CCDC191: variants seen among roughly 807,000 people sequenced by gnomAD.
The protein encoded by CCDC191 is coiled-coil domain-containing protein 191.
Under a neutral mutation model 114.0 loss-of-function variants are expected in CCDC191, and 99 were observed. The ratio of observed to expected loss-of-function variants is 0.87; its 90% confidence interval spans 0.74 to 1.03. The LOEUF (loss-of-function observed/expected upper bound fraction) is 1.03. Among genes scored for constraint, CCDC191 ranks in the 50% least tolerant of loss-of-function variants. The pLI is 0.00. For missense variants in CCDC191, 973 were observed against 1,087.0 expected (o/e 0.90, Z 1.47); for synonymous variants, 351 against 376.0 (o/e 0.93, Z 0.77).
At chr3:113,975,003 T>A (rs1486991897) in intron 16 of CCDC191, among the ~76,000 whole-genome samples, 1 of 152,200 alleles carries the variant, frequency 6.6e-6, no homozygotes, top group African/African-American at 2.4e-5. Flanking sequence ...TAAGTATGAT[T>A]TAAGTCACCA....
intron 9 of CCDC191, among the ~76,000 whole-genome samples, chr3:114,007,658 G>C (rs1031710254): frequency 1.2e-4 from 18 of 152,088 alleles, no homozygotes; most frequent in Admixed American, 1.1e-3. Context: ...TAAAGAACAT[G>C]AAGGAAAAGC....
At chr3:113,991,766 C>T (rs1253116617) in intron 13 of CCDC191, among the ~76,000 whole-genome samples, 2 of 152,074 alleles carry the variant, frequency 1.3e-5, no homozygotes, top group African/African-American at 2.4e-5. Context: ...TAGACTATTC[C>T]AAATAATTTA....
chr3:114,025,853 A>G (rs2076313408), intron 7 of CCDC191, among the ~76,000 whole-genome samples: 2 of 152,202 alleles, frequency 1.3e-5, no homozygotes, highest in Non-Finnish European at 2.9e-5. Context: ...AACTATGCCA[A>G]GAACATAGCT....
At chr3:113,989,997 A>C (rs974730585) in intron 13 of CCDC191, among the ~76,000 whole-genome samples, 1 of 152,198 alleles carries the variant, frequency 6.6e-6, no homozygotes, top group African/African-American at 2.4e-5. Context: ...TAAAGAAAGA[A>C]AGAAAAAGAG....
chr3:114,031,474 G>C (rs2076403118), intron 7 of CCDC191, 152 bp downstream of exon 7: 2 of 664,482 alleles, frequency 3.0e-6, no homozygotes, highest in Non-Finnish European at 5.3e-6. Flanking sequence ...TGCATACCAG[G>C]TCAGCTGGGC....
At chr3:113,987,441 C>T (rs964651124) in intron 13 of CCDC191, among the ~76,000 whole-genome samples, 10 of 151,910 alleles carry the variant, frequency 6.6e-5, no homozygotes, top group African/African-American at 1.7e-4. Context: ...AAGATATTGG[C>T]TATTTATAGT....
At position 113,973,170 on chromosome 3, in the gene CCDC191, G is replaced by A. The variant is rs143334914; in HGVS notation, c.2606+5016C>T. On this transcript the variant is annotated intron_variant, in intron 16 of 16. Coordinates refer to ENST00000295878, the MANE Select transcript of CCDC191 (RefSeq NM_020817.2). ...CCCTTGTGGCAAAACGATTTTCTCAGGTAGTATGTTTTAATTTCTTGCCTT... is the reference window on the plus strand; with the variant it reads ...CCCTTGTGGCAAAACGATTTTCTCAAGTAGTATGTTTTAATTTCTTGCCTT... Among the ~76,000 whole-genome samples the A allele has an allele frequency of 2.4e-3, 364 of 152,190 alleles. 3 individuals are homozygous for A. The highest frequency in any genetic ancestry group is 7.9e-3 in the African/African-American group (327 of 41,538).
At chr3:114,006,585 C>CAG (rs1179501792) in intron 9 of CCDC191, among the ~76,000 whole-genome samples, 18 of 77,966 alleles carry the variant, frequency 2.3e-4, no homozygotes, top group Admixed American at 9.5e-4. Flanking sequence ...AAGGTTACTC[C>CAG]AGATATATAT....
chr3:113,993,877 T>C (rs1423058264), intron 13 of CCDC191, among the ~76,000 whole-genome samples: 1 of 151,762 alleles, frequency 6.6e-6, no homozygotes, highest in Non-Finnish European at 1.5e-5. Context: ...AGTGAGACCC[T>C]GTCTCAGAGA....
chr3:114,023,155 G>A (rs923226356), intron 7 of CCDC191, among the ~76,000 whole-genome samples: 8 of 152,102 alleles, frequency 5.3e-5, no homozygotes, highest in Admixed American at 1.3e-4. Flanking sequence ...CAAGGGATGC[G>A]AAGGACCTCT....
intron 8 of CCDC191, among the ~76,000 whole-genome samples, chr3:114,011,473 T>C (rs945442651): frequency 1.3e-5 from 2 of 152,156 alleles, no homozygotes; most frequent in African/African-American, 4.8e-5. Flanking sequence ...ACAAGTTAAA[T>C]TGTCAATAAT....
At chr3:113,977,813 C>T (rs1337665883) in intron 16 of CCDC191, among the ~76,000 whole-genome samples, 1 of 152,128 alleles carries the variant, frequency 6.6e-6, no homozygotes, top group Admixed American at 6.5e-5. Flanking sequence ...CTATATTTGT[C>T]GTACATTTCA....
At chr3:114,036,903 A>G (rs1174741235) in intron 4 of CCDC191, 117 bp from the exon 5 acceptor site, 2 of 592,302 alleles carry the variant, frequency 3.4e-6, no homozygotes, top group Non-Finnish European at 5.1e-6. Context: ...CGAGTGTTCA[A>G]TAAATAGTAA....
chr3:113,971,152 C>T (rs1156723179), intron 16 of CCDC191, among the ~76,000 whole-genome samples: 2 of 152,204 alleles, frequency 1.3e-5, no homozygotes, highest in Non-Finnish European at 2.9e-5. Context: ...CTGATTTCCA[C>T]AATGATTGAA....
chr3:114,003,533 C>T, intron 11 of CCDC191: 1 of 985,252 alleles, frequency 1.0e-6, no homozygotes, highest in Non-Finnish European at 1.2e-6. Flanking sequence ...GGTAATATGC[C>T]CTTTGCCCAT....
chr3:113,979,024 T>A lies in CCDC191; in HGVS notation c.2308-14A>T, dbSNP rs1269777640. The A allele has an allele frequency of 6.8e-6, 11 of 1,610,420 alleles. No individual in the cohort carries two copies. The Admixed American group carries it at 1.7e-4, about 25-fold the overall frequency. On this transcript the variant is annotated splice_polypyrimidine_tract_variant and intron_variant, in intron 14 of 16. Coordinates refer to ENST00000295878, the MANE Select transcript of CCDC191 (RefSeq NM_020817.2). ...TTCTTCTGCCACCTGGACAATTTTT[T>A]AAATGAGAAATATTATTCCTTAAAT...
chr3:114,047,958 G>C (rs2076652235), intron 2 of CCDC191, among the ~76,000 whole-genome samples: 1 of 152,118 alleles, frequency 6.6e-6, no homozygotes, highest in African/African-American at 2.4e-5. Flanking sequence ...TCGAGTGACA[G>C]AGCGAGACTC....
At chr3:114,002,358 ATT>A in intron 12 of CCDC191, 96 bp downstream of exon 12, 1 of 807,382 alleles carries the variant, frequency 1.2e-6, no homozygotes. Flanking sequence ...ATGTAACTCT[ATT>A]GTCTCAGGAG....
Position 114,056,431 on chromosome 3 carries a change from C to T in CCDC191, c.36G>A (p.Lys12=), listed in dbSNP as rs146204297. The T allele has an allele frequency of 1.7e-5, 27 of 1,614,056 alleles. No individual in the cohort carries two copies. In the African/African-American group the frequency reaches 2.1e-4, roughly 13 times the overall value. The change falls in exon 1 of 17, where the codon AAG becomes AAA. Residue 12 remains lysine (K), a synonymous_variant. Coordinates refer to ENST00000295878, the MANE Select transcript of CCDC191 (RefSeq NM_020817.2). ...LLAPQGRSFS[K]KRMGLNRWKR... ...TCCAGCGATTCAGCCCCATCCTTTT[C>T]TTTGAGAAGGACCTTCCCTGAGGCG... is the stretch of plus-strand genomic sequence containing the variant.
Sources: allele counts gnomAD v4.1 joint callset (sites outside exome capture counted in the v4.1 genomes callset), GRCh38; gene constraint gnomAD v4.1.1; transcripts MANE v1.5; gene names NCBI Gene and HGNC (gene_info 2026-07-23, HGNC 2026-07-21).